Variants in FBP2 observed in about 807,000 individuals in gnomAD.
FBP2 encodes fructose-bisphosphatase 2.
A neutral mutation model predicts 31.6 loss-of-function variants in FBP2; 27 were observed. The ratio of observed to expected loss-of-function variants is 0.85; its 90% CI spans 0.63 to 1.18. FBP2 has a LOEUF of 1.18. Among genes scored for constraint, FBP2 ranks in the 50% most tolerant of loss-of-function variants. The probability of loss-of-function intolerance (pLI) is 0.00; values close to 1 mark genes in which losing one functional copy is unlikely to be tolerated. For missense variants in FBP2, 421 were observed against 436.1 expected (o/e 0.97, Z 0.31); for synonymous variants, 168 against 179.8 (o/e 0.93, Z 0.53).
intron 6 of FBP2, among the ~76,000 whole-genome samples, chr9:94,562,452 G>A (rs773865691): frequency 7.2e-5 from 11 of 151,992 alleles, no homozygotes; most frequent in Non-Finnish European, 1.5e-4. Flanking sequence ...GAATACACCT[G>A]GGCTAAGCAC....
chr9:94,561,294 C>T (rs1269090145), intron 6 of FBP2, among the ~76,000 whole-genome samples: 1 of 149,810 alleles, frequency 6.7e-6, no homozygotes, highest in African/African-American at 2.5e-5. Flanking sequence ...AATTTAATAT[C>T]AAAATGCCCA....
intron 1 of FBP2, among the ~76,000 whole-genome samples, chr9:94,590,212 C>T (rs565810555): frequency 1.3e-5 from 2 of 152,280 alleles, no homozygotes; most frequent in East Asian, 3.9e-4. Context: ...GCCCGTAGGA[C>T]AGTATCTTGC....
chr9:94,568,475 T>C lies in FBP2; in HGVS notation c.568-1068A>G, dbSNP rs368965353. Reference sequence around the variant, plus strand: ...CCTTAAATGCTCATGTCTGTCTCAGTCACTAGGAGGAAAACCAGAGCCTGG... The same window carrying C: ...CCTTAAATGCTCATGTCTGTCTCAGCCACTAGGAGGAAAACCAGAGCCTGG... On this transcript the variant is annotated intron_variant, in intron 4 of 6. Transcript: ENST00000375337. 3 of 152,264 alleles carry C rather than the reference T, an allele frequency of 2.0e-5. No individual in the cohort carries two copies. In the South Asian group the frequency reaches 6.2e-4, roughly 32 times the overall value. The allele number at this position is 152,264 out of a possible 1,614,324, so 9.4% of individuals were successfully genotyped here.
At chr9:94,584,980 A>C (rs1312074809) in intron 2 of FBP2, among the ~76,000 whole-genome samples, 2 of 152,106 alleles carry the variant, frequency 1.3e-5, no homozygotes, top group Non-Finnish European at 2.9e-5. Context: ...CCACCAAGGG[A>C]AGCCCCAGGT....
chr9:94,581,153 A>C (rs1827368809), intron 3 of FBP2, among the ~76,000 whole-genome samples: 1 of 152,136 alleles, frequency 6.6e-6, no homozygotes, highest in Non-Finnish European at 1.5e-5. Context: ...AAACATTACT[A>C]ATTCTTTGTA....
intron 6 of FBP2, among the ~76,000 whole-genome samples, chr9:94,562,309 C>CAAAAAA (rs397893359): frequency 2.8e-5 from 2 of 72,122 alleles, no homozygotes; most frequent in African/African-American, 5.7e-5. Context: ...GACTCCATCT[C>CAAAAAA]AAAAAAAAAA....
At chr9:94,572,315 C>A (rs1827278266) in intron 3 of FBP2, among the ~76,000 whole-genome samples, 1 of 152,174 alleles carries the variant, frequency 6.6e-6, no homozygotes, top group Admixed American at 6.5e-5. Flanking sequence ...GTTACCCCGT[C>A]TCCCACGACA....
At chr9:94,571,627 ATGTGT>A in intron 3 of FBP2, 25 bp from the exon 4 acceptor site, 1 of 1,599,418 alleles carries the variant, frequency 6.3e-7, no homozygotes, top group South Asian at 1.1e-5. Context: ...GATAAATGCC[ATGTGT>A]TATTGTTGTC....
intron 6 of FBP2, among the ~76,000 whole-genome samples, chr9:94,561,526 C>A (rs1292855777): frequency 6.6e-6 from 1 of 151,988 alleles, no homozygotes; most frequent in African/African-American, 2.4e-5. Context: ...CCACGCCTGG[C>A]TAATTATTTT....
intron 4 of FBP2, chr9:94,570,495 G>A (rs1827256760): frequency 6.6e-6 from 1 of 151,964 alleles, no homozygotes; most frequent in Non-Finnish European, 1.5e-5. Flanking sequence ...CATAGGACAG[G>A]TACTTTACAT....
chr9:94,567,355 C>G lies in FBP2; in HGVS notation c.620G>C (p.Gly207Ala), dbSNP rs1419868341. The G allele has an allele frequency of 8.1e-6, 13 of 1,614,026 alleles. No homozygotes were observed. The highest frequency in any genetic ancestry group is 9.3e-6 in the Non-Finnish European group (11 of 1,180,020). The change falls in exon 5 of 7, where the codon GGA (glycine) becomes GCA (alanine). Residue 207 changes from glycine to alanine, a missense_variant. Transcript: ENST00000375337. ...VEKDVKIKKK[G>A]KIYSLNEGYA... ...GCCCTCATTCAGGCTGTAAATCTTT[C>G]CTTTCTTCTTAATCTTGACATCTTT...
chr9:94,588,005 C>T (rs936957167), intron 1 of FBP2, among the ~76,000 whole-genome samples: 3 of 152,026 alleles, frequency 2.0e-5, no homozygotes, highest in Admixed American at 6.6e-5. Flanking sequence ...CCCGCCACCA[C>T]GCCCGGCTAA....
chr9:94,571,624 G>A (rs145254842), intron 3 of FBP2, 22 bp from the exon 4 acceptor site: 2 of 1,601,078 alleles, frequency 1.2e-6, no homozygotes, highest in African/African-American at 2.7e-5. Flanking sequence ...AGGGATAAAT[G>A]CCATGTGTTA....
At chr9:94,567,493 G>T (rs1270801003) in intron 4 of FBP2, 86 bp from the exon 5 acceptor site, 3 of 1,508,778 alleles carry the variant, frequency 2.0e-6, no homozygotes, top group Non-Finnish European at 2.7e-6. Flanking sequence ...AGCAGGAGAA[G>T]ATGGGGGCCT....
chr9:94,571,653 A>C, intron 3 of FBP2, 51 bp from the exon 4 acceptor site: 1 of 1,527,540 alleles, frequency 6.5e-7, no homozygotes. Flanking sequence ...TCTGGAGAGA[A>C]CACTTTGCCA....
chr9:94,560,264 G>A (rs1460009242), intron 6 of FBP2, among the ~76,000 whole-genome samples: 1 of 152,244 alleles, frequency 6.6e-6, no homozygotes, highest in Admixed American at 6.5e-5. Context: ...TCAGAGGAAG[G>A]AAGGCCTTCT....
chr9:94,576,061 C>T (rs1442487534), intron 3 of FBP2, among the ~76,000 whole-genome samples: 4 of 152,076 alleles, frequency 2.6e-5, no homozygotes, highest in South Asian at 4.1e-4. Flanking sequence ...AATCTTGAGA[C>T]GGACAGACCA....
chr9:94,564,108 C>T (rs1004118495), intron 5 of FBP2, among the ~76,000 whole-genome samples: 6 of 152,106 alleles, frequency 3.9e-5, no homozygotes, highest in East Asian at 1.9e-4. Flanking sequence ...CTCAAGACCT[C>T]GAATCAACAC....
chr9:94,584,304 A>G (rs1160354717), intron 3 of FBP2, among the ~76,000 whole-genome samples: 1 of 152,202 alleles, frequency 6.6e-6, no homozygotes. Flanking sequence ...CATGTCTGAC[A>G]TTTGTGTTGC....
Sources: gnomAD v4.1 joint callset for allele counts (sites outside exome capture counted in the v4.1 genomes callset) on GRCh38, gnomAD v4.1.1 for gene constraint, MANE v1.5 for transcripts, NCBI Gene and HGNC (gene_info 2026-07-23, HGNC 2026-07-21) for gene names.